The following SCNN1B variants were observed in gnomAD, a reference collection of about 807,000 sequenced individuals.
The protein encoded by SCNN1B is epithelial sodium channel subunit beta.
In SCNN1B, 46 loss-of-function variants were observed where a neutral mutation model predicts 65.3. The observed-to-expected ratio is 0.70, with a 90% CI of 0.56 to 0.90. SCNN1B has a LOEUF of 0.90. SCNN1B is among the 40% of genes least tolerant of loss of function. The pLI, the probability that SCNN1B is intolerant of heterozygous loss-of-function variation, is 0.00. For synonymous variants in SCNN1B, 349 were observed against 330.6 expected (o/e 1.06, Z -0.60); for missense variants, 751 against 830.5 (o/e 0.90, Z 1.18).
chr16:23,296,491 G>T (rs1025617005), intron 2 of SCNN1B, among the ~76,000 whole-genome samples: 1 of 152,182 alleles, frequency 6.6e-6, no homozygotes, highest in African/African-American at 2.4e-5. Context: ...AAACATTTCA[G>T]AACATGGACT....
intron 2 of SCNN1B, among the ~76,000 whole-genome samples, chr16:23,283,985 G>C (rs1960817660): frequency 6.6e-6 from 1 of 152,170 alleles, no homozygotes; most frequent in Non-Finnish European, 1.5e-5. Context: ...GGGAACGAAG[G>C]ACCGCCCTGG....
chr16:23,339,958 C>T (rs947366598), intron 1 of SCNN1B, among the ~76,000 whole-genome samples: 28 of 152,148 alleles, frequency 1.8e-4, no homozygotes, highest in African/African-American at 6.8e-4. Flanking sequence ...GGTTGCTACA[C>T]ATCCTCACCA....
At chr16:23,285,142 G>C (rs1009620451) in intron 2 of SCNN1B, among the ~76,000 whole-genome samples, 1 of 152,170 alleles carries the variant, frequency 6.6e-6, no homozygotes, top group South Asian at 2.1e-4. Context: ...ATGAACATTG[G>C]TTTCTCACTT....
intron 10 of SCNN1B, among the ~76,000 whole-genome samples, chr16:23,378,419 G>T (rs892933846): frequency 6.6e-6 from 1 of 152,196 alleles, no homozygotes; most frequent in African/African-American, 2.4e-5. Flanking sequence ...GAGCTGGGGA[G>T]GATTCCGGGC....
At position 23,380,592 on chromosome 16, in the gene SCNN1B, G is replaced by T; in HGVS notation, c.1714G>T (p.Ala572Ser). The T allele has an allele frequency of 6.2e-7, 1 of 1,614,106 alleles. No homozygotes were observed. Among genetic ancestry groups the T allele is most frequent in the Non-Finnish European group, 8.5e-7 (1 of 1,180,010 alleles). Residue 572 changes from alanine (A) to serine (S), a missense_variant, in exon 13 of 13, where the codon GCT becomes TCT. Coordinates refer to ENST00000343070, the MANE Select transcript of SCNN1B (RefSeq NM_000336.3). This position sits in a 1 kb window ranked among gnomAD's most constrained non-coding sequence, Gnocchi z 5.4. ...GCAGCGGCGAGCCCAAGCCAGCTACGCTGGCCCACCGCCCACCGTGGCCGA... is the reference window on the plus strand; with the variant it reads ...GCAGCGGCGAGCCCAAGCCAGCTACTCTGGCCCACCGCCCACCGTGGCCGA... The part of the protein sequence containing the change: ...LRQRRAQASY[A>S]GPPPTVAELV...
At chr16:23,305,569 T>A (rs1235472470) in intron 1 of SCNN1B, among the ~76,000 whole-genome samples, 9,482 of 44,530 alleles carry the variant, frequency 0.21, 2,288 homozygotes, top group African/African-American at 0.56. Flanking sequence ...TATATATATA[T>A]ATATATATTA....
At chr16:23,309,067 C>G (rs1299596869) in intron 1 of SCNN1B, among the ~76,000 whole-genome samples, 2 of 152,142 alleles carry the variant, frequency 1.3e-5, no homozygotes, top group African/African-American at 2.4e-5. Flanking sequence ...TCAGCAAAGA[C>G]ATAATCTGGA....
At chr16:23,288,276 A>T (rs1162724206) in intron 2 of SCNN1B, among the ~76,000 whole-genome samples, 4 of 152,164 alleles carry the variant, frequency 2.6e-5, no homozygotes, top group Admixed American at 2.6e-4. Flanking sequence ...CTCAGATTCC[A>T]TTTGTATAGG....
intron 7 of SCNN1B, among the ~76,000 whole-genome samples, chr16:23,372,556 G>A (rs369400705): frequency 6.1e-4 from 91 of 150,310 alleles, no homozygotes; most frequent in African/African-American, 1.9e-3. Flanking sequence ...GTGCGGTGGC[G>A]TGATATTGGC....
chr16:23,363,118 T>C (rs1196871823), intron 4 of SCNN1B, among the ~76,000 whole-genome samples: 3 of 152,244 alleles, frequency 2.0e-5, no homozygotes, highest in Non-Finnish European at 4.4e-5. Context: ...TTCTCCATAC[T>C]TATCTCTGTC....
intron 4 of SCNN1B, among the ~76,000 whole-genome samples, chr16:23,364,323 A>C (rs2142031973): frequency 6.6e-6 from 1 of 152,330 alleles, no homozygotes; most frequent in Admixed American, 6.5e-5. Flanking sequence ...AGCAGATAAA[A>C]GCTGAAGGAT....
At chr16:23,360,858 T>A (rs1052103095) in intron 4 of SCNN1B, among the ~76,000 whole-genome samples, 2 of 151,712 alleles carry the variant, frequency 1.3e-5, no homozygotes, top group East Asian at 3.9e-4. Context: ...ACAGTGGCAC[T>A]ATCTCGGCTC....
chr16:23,355,094 T>A (rs1261039332), intron 3 of SCNN1B, among the ~76,000 whole-genome samples: 1 of 152,028 alleles, frequency 6.6e-6, no homozygotes, highest in Non-Finnish European at 1.5e-5. Flanking sequence ...GATGAGGGGA[T>A]CTTGTGGTCA....
At chr16:23,354,486 G>A (rs759710349) in intron 3 of SCNN1B, among the ~76,000 whole-genome samples, 2 of 152,358 alleles carry the variant, frequency 1.3e-5, no homozygotes, top group Middle Eastern at 3.4e-3. Flanking sequence ...AGTCTGTCAC[G>A]TGTCTGTGCG....
chr16:23,375,509 C>T (rs1962874633), intron 7 of SCNN1B, among the ~76,000 whole-genome samples: 1 of 152,174 alleles, frequency 6.6e-6, no homozygotes, highest in Non-Finnish European at 1.5e-5. Flanking sequence ...GGCCTGGGTC[C>T]CTCTGTGGGG....
intron 1 of SCNN1B, among the ~76,000 whole-genome samples, chr16:23,338,131 G>T (rs1961982322): frequency 6.6e-6 from 1 of 152,130 alleles, no homozygotes. Context: ...CACCAAAGCT[G>T]GTAGCAACCA....
At chr16:23,307,451 C>G (rs1035605426) in intron 1 of SCNN1B, among the ~76,000 whole-genome samples, 2 of 151,968 alleles carry the variant, frequency 1.3e-5, no homozygotes, top group African/African-American at 2.4e-5. Context: ...TCCCAAGTAG[C>G]TGGGATTACA....
chr16:23,291,734 C>T (rs567967249), intron 2 of SCNN1B, among the ~76,000 whole-genome samples: 8 of 142,738 alleles, frequency 5.6e-5, no homozygotes, highest in South Asian at 4.4e-4. Context: ...ACCACCACCA[C>T]GCAGCTAATT....
At chr16:23,331,946 G>A (rs144363649) in intron 1 of SCNN1B, among the ~76,000 whole-genome samples, 1,580 of 152,122 alleles carry the variant, frequency 0.01, 13 homozygotes, top group Non-Finnish European at 0.019. Flanking sequence ...TTTGTGTGGG[G>A]GTGGGTTTTT....
Sources: allele counts gnomAD v4.1 joint callset (sites outside exome capture counted in the v4.1 genomes callset), GRCh38; gene constraint gnomAD v4.1.1; non-coding constraint Gnocchi (gnomAD v3.1); transcripts MANE v1.5; gene names NCBI Gene and HGNC (gene_info 2026-07-23, HGNC 2026-07-21).